KCTD16: variants seen among roughly 807,000 people sequenced by gnomAD.
The protein encoded by KCTD16 is BTB/POZ domain-containing protein KCTD16.
In KCTD16, 13 loss-of-function variants were observed where a neutral mutation model predicts 33.2. That is an observed-to-expected ratio of 0.39 (90% CI 0.25 to 0.62). The LOEUF is 0.62. KCTD16 is among the 20% of genes least tolerant of loss of function. The pLI is 0.50. For synonymous variants in KCTD16, 197 were observed against 195.3 expected, an observed-to-expected ratio of 1.01 and a Z score of -0.07; for missense variants, 441 against 525.1, an observed-to-expected ratio of 0.84 and a Z score of 1.57.
At chr5:144,309,420 G>T (rs1751700461) in intron 3 of KCTD16, among the ~76,000 whole-genome samples, 1 of 149,250 alleles carries the variant, frequency 6.7e-6, no homozygotes, top group Admixed American at 6.7e-5. Flanking sequence ...CAAGCCAATT[G>T]CTTGTAAAAC....
intron 3 of KCTD16, among the ~76,000 whole-genome samples, chr5:144,343,278 G>A (rs1235329283): frequency 6.6e-6 from 1 of 151,782 alleles, no homozygotes; most frequent in Admixed American, 6.6e-5. Flanking sequence ...TCTATTCAGA[G>A]ATTCAACTTC....
chr5:144,299,136 ATATATATATATATTTTT>A (rs1751333122), intron 3 of KCTD16, among the ~76,000 whole-genome samples: 2 of 30,446 alleles, frequency 6.6e-5, no homozygotes, highest in African/African-American at 7.5e-4. Flanking sequence ...ATATATATAT[ATATATATATATATTTTT>A]TTTTTTTTTT....
chr5:144,240,774 T>C (rs1232738034), intron 3 of KCTD16, among the ~76,000 whole-genome samples: 1 of 152,094 alleles, frequency 6.6e-6, no homozygotes, highest in Admixed American at 6.6e-5. Context: ...TGTCTTCCAA[T>C]CTGGGTTTTT....
chr5:144,391,754 A>G (rs755096027), intron 3 of KCTD16, among the ~76,000 whole-genome samples: 1 of 152,258 alleles, frequency 6.6e-6, no homozygotes, highest in Non-Finnish European at 1.5e-5. Flanking sequence ...TGAAGTGTAA[A>G]CAAAGGCATA....
At chr5:144,360,167 C>T (rs560991826) in intron 3 of KCTD16, among the ~76,000 whole-genome samples, 11 of 152,062 alleles carry the variant, frequency 7.2e-5, no homozygotes, top group South Asian at 2.1e-4. Flanking sequence ...TAGGTATACA[C>T]GTGCCATGGT....
intron 3 of KCTD16, among the ~76,000 whole-genome samples, chr5:144,448,809 C>T (rs1008950265): frequency 1.3e-5 from 2 of 152,064 alleles, no homozygotes; most frequent in Admixed American, 1.3e-4. Flanking sequence ...TGAGAAACCA[C>T]TTCCTCCTAA....
chr5:144,261,197 A>AT (rs1755002759), intron 3 of KCTD16, among the ~76,000 whole-genome samples: 1 of 146,020 alleles, frequency 6.8e-6, no homozygotes, highest in African/African-American at 2.4e-5. Context: ...AAAAAAAAAA[A>AT]GGAACAGTTG....
chr5:144,298,833 T>G (rs1756119616), intron 3 of KCTD16, among the ~76,000 whole-genome samples: 1 of 151,550 alleles, frequency 6.6e-6, no homozygotes, highest in South Asian at 2.1e-4. Context: ...CTTTGGTCTC[T>G]CCCCAACTCC....
intron 3 of KCTD16, among the ~76,000 whole-genome samples, chr5:144,253,498 T>A (rs895242410): frequency 1.3e-5 from 2 of 152,234 alleles, no homozygotes; most frequent in East Asian, 3.8e-4. Flanking sequence ...AGCTGATAGC[T>A]TATTTATCAA....
intron 3 of KCTD16, among the ~76,000 whole-genome samples, chr5:144,314,703 T>C (rs902815737): frequency 1.3e-5 from 2 of 152,206 alleles, no homozygotes. Flanking sequence ...GACTTCATTA[T>C]TTTATTTGAA....
chr5:144,406,221 G>A (rs1319739921), intron 3 of KCTD16, among the ~76,000 whole-genome samples: 1 of 152,162 alleles, frequency 6.6e-6, no homozygotes, highest in Non-Finnish European at 1.5e-5. Flanking sequence ...CAGTGTTTTA[G>A]TTTGGACAAA....
chr5:144,246,030 G>A (rs1378911616), intron 3 of KCTD16, among the ~76,000 whole-genome samples: 1 of 152,124 alleles, frequency 6.6e-6, no homozygotes, highest in African/African-American at 2.4e-5. Context: ...TAAGAATTGT[G>A]GTCTTTATCC....
At chr5:144,407,634 C>A (rs1247149472) in intron 3 of KCTD16, among the ~76,000 whole-genome samples, 2 of 151,924 alleles carry the variant, frequency 1.3e-5, no homozygotes, top group Admixed American at 6.6e-5. Flanking sequence ...ACCCATCAAC[C>A]TTTCATCTAG....
At chr5:144,363,529 C>A (rs929821047) in intron 3 of KCTD16, among the ~76,000 whole-genome samples, 19 of 151,668 alleles carry the variant, frequency 1.3e-4, no homozygotes, top group African/African-American at 4.4e-4. Context: ...CTGCACCTGC[C>A]TCTTACTGTT....
In KCTD16 at chr5:144,483,841, A is replaced by G. The variant is rs550964014; in HGVS notation, c.*9727A>G. ...GCCCACACAACAGAAGCACTTGTAA[A>G]CTAATTAAGCACGGTCACTGAATCC... On this transcript the variant is annotated 3_prime_UTR_variant, in exon 4 of 4. Transcript: ENST00000512467. 4.6e-5 allele frequency: 7 copies of G among 152,078 alleles called. No individual in the cohort carries two copies. The highest frequency in any genetic ancestry group is 1.7e-4 in the African/African-American group (7 of 41,538). The allele number at this position is 152,078 out of a possible 1,614,324, so 9.4% of individuals were successfully genotyped here.
Position 144,266,844 on chromosome 5 carries a change from C to A in KCTD16, c.832+59298C>A, listed in dbSNP as rs139491935. ...ATCTCTGGGAAAAAATTCATTGAAG[C>A]AGACCTTTATTTTACCTCTTTGCTG... is the stretch of plus-strand genomic sequence containing the variant. On this transcript the variant is annotated intron_variant, in intron 3 of 3. Coordinates refer to ENST00000512467, the MANE Select transcript of KCTD16 (RefSeq NM_020768.4). 1.6e-4 allele frequency among the ~76,000 whole-genome samples: 25 copies of A among 152,202 alleles called. 1 individual carries two copies. The East Asian group carries it at 4.8e-3, about 29-fold the overall frequency.
rs1753292043 is a variant in KCTD16, at chr5:144,209,307, T to C, written c.832+1761T>C. ...CATTTCTGTGTTCATCAAAGGCTCA[T>C]CTGTCCAACACGATTTCCCTTTAGA... On this transcript the variant is annotated intron_variant, in intron 3 of 3. Coordinates refer to ENST00000512467, the MANE Select transcript of KCTD16 (RefSeq NM_020768.4). 2.0e-5 allele frequency among the ~76,000 whole-genome samples: 3 copies of C among 152,180 alleles called. No homozygotes were observed. In the South Asian group the frequency reaches 6.2e-4, roughly 32 times the overall value.
At chr5:144,328,561 C>T (rs930958040) in intron 3 of KCTD16, among the ~76,000 whole-genome samples, 4 of 151,188 alleles carry the variant, frequency 2.6e-5, no homozygotes, top group Admixed American at 6.6e-5. Context: ...TGTATTCCTG[C>T]GAAATTAAGT....
intron 3 of KCTD16, among the ~76,000 whole-genome samples, chr5:144,462,717 T>C (rs1036645771): frequency 6.6e-6 from 1 of 152,192 alleles, no homozygotes; most frequent in Non-Finnish European, 1.5e-5. Context: ...TGGCTTCCAA[T>C]GGTTTCCACA....
Sources: allele counts gnomAD v4.1 joint callset (sites outside exome capture counted in the v4.1 genomes callset), GRCh38; gene constraint gnomAD v4.1.1; transcripts MANE v1.5; gene names NCBI Gene and HGNC (gene_info 2026-07-23, HGNC 2026-07-21).